NFAT5: variants seen among roughly 807,000 people sequenced by gnomAD.
The protein encoded by NFAT5 is nuclear factor of activated T cells 5.
Under a neutral mutation model 166.5 loss-of-function variants are expected in NFAT5, and 31 were observed. The ratio of observed to expected loss-of-function variants is 0.19; its 90% CI spans 0.14 to 0.25. The LOEUF is 0.25. Ranked by LOEUF, NFAT5 falls within the 10% of genes least tolerant of loss-of-function variation. NFAT5 has a pLI of 1.00. For synonymous variants in NFAT5, 612 were observed against 639.7 expected, an observed-to-expected ratio of 0.96 and a Z score of 0.65; for missense variants, 1,449 against 1,821.8, an observed-to-expected ratio of 0.80 and a Z score of 3.72.
chr16:69,627,522 A>T lies in NFAT5; in HGVS notation c.253+994A>T, dbSNP rs1000693256. 1.4e-4 allele frequency among the ~76,000 whole-genome samples: 22 copies of T among 152,130 alleles called. 2 individuals are homozygous for T. The highest frequency in any genetic ancestry group is 3.9e-4 in the East Asian group (2 of 5,184). On this transcript the variant is annotated intron_variant, in intron 3 of 14. Coordinates refer to ENST00000349945, the MANE Select transcript of NFAT5 (RefSeq NM_138713.4). Reference sequence around the variant, plus strand: ...TTCAAAATGAGAACAGTAAAGTGTAAGGTTGTGGTTTAAATGAGGATATTG... The same window carrying T: ...TTCAAAATGAGAACAGTAAAGTGTATGGTTGTGGTTTAAATGAGGATATTG...
At chr16:69,625,928 A>G (rs1467479057) in intron 2 of NFAT5, among the ~76,000 whole-genome samples, 7 of 151,346 alleles carry the variant, frequency 4.6e-5, no homozygotes, top group Non-Finnish European at 8.8e-5. Flanking sequence ...TTTCAGTTCA[A>G]TAAGATTATA....
chr16:69,628,907 T>C (rs2034585510), intron 3 of NFAT5, among the ~76,000 whole-genome samples: 1 of 152,122 alleles, frequency 6.6e-6, no homozygotes, highest in Non-Finnish European at 1.5e-5. Flanking sequence ...ACTGCGTCTC[T>C]ACTAAAAATA....
chr16:69,643,034 A>G (rs76349736), intron 3 of NFAT5, among the ~76,000 whole-genome samples: 2,827 of 151,910 alleles, frequency 0.019, 89 homozygotes, highest in African/African-American at 0.065. Flanking sequence ...CCTGGCCAAC[A>G]TGATGAAATC....
At position 69,659,728 on chromosome 16, in the gene NFAT5, G is replaced by A. The variant is rs1439351614; in HGVS notation, c.1198G>A (p.Val400Met). 1 of 1,604,128 alleles carries A rather than the reference G, an allele frequency of 6.2e-7. No homozygotes were observed. The highest frequency in any genetic ancestry group is 8.5e-7 in the Non-Finnish European group (1 of 1,174,520). Residue 400 changes from valine (V) to methionine (M), a missense_variant and splice_region_variant, in exon 7 of 15, where the codon GTG (valine) becomes ATG (methionine). Around this residue, in one of 7 missense-constraint regions of NFAT5, gnomAD observed 245 missense variants for 366.6 expected, o/e 0.67. Transcript: ENST00000349945. The stretch of plus-strand genomic sequence containing the variant: ...TTATATATTTTTTTTCTGTATTAGG[G>A]TGGACTGCGTAGGGATATTGAAATT... ...LDPSNNMTLA[V>M]DCVGILKLRN...
chr16:69,607,009 A>G lies in NFAT5; in HGVS notation c.128-19394A>G, dbSNP rs1217220940. ...CACCTCCTCATTGCTAACCCTTTTG[A>G]GGGCAGAAATTATAGTTTTTATTTA... On this transcript the variant is annotated intron_variant, in intron 2 of 14. Transcript: ENST00000349945. 2.6e-5 allele frequency among the ~76,000 whole-genome samples: 4 copies of G among 152,190 alleles called. 1 individual carries two copies. The highest frequency in any genetic ancestry group is 9.7e-5 in the African/African-American group (4 of 41,444).
At chr16:69,585,317 T>G (rs936043646) in intron 2 of NFAT5, among the ~76,000 whole-genome samples, 33 of 152,056 alleles carry the variant, frequency 2.2e-4, no homozygotes, top group Admixed American at 6.6e-5. Context: ...CCCAATTTTT[T>G]TTTTTTTAAT....
chr16:69,602,779 G>GT (rs1295362903), intron 2 of NFAT5, among the ~76,000 whole-genome samples: 2,247 of 136,274 alleles, frequency 0.016, 48 homozygotes, highest in African/African-American at 0.05. Context: ...TAATTTTTTT[G>GT]TTTTTTTTTT....
chr16:69,579,117 G>T (rs1294106941), intron 2 of NFAT5, among the ~76,000 whole-genome samples: 1 of 151,996 alleles, frequency 6.6e-6, no homozygotes, highest in Admixed American at 6.6e-5. Context: ...CTTGTGATCC[G>T]CCTGTCTCAG....
Position 69,647,149 on chromosome 16 carries a change from C to T in NFAT5, c.375C>T (p.Ser125=). The T allele has an allele frequency of 6.2e-7, 1 of 1,614,124 alleles. No homozygotes were observed. Among genetic ancestry groups the T allele is most frequent in the Non-Finnish European group, 8.5e-7 (1 of 1,179,984 alleles). Reference sequence around the variant, plus strand: ...ACAGCAAGGCTATGCAAGTGGAGAGCTGCTCCTCAGCCGTGGGGGTAAGTA... The same window carrying T: ...ACAGCAAGGCTATGCAAGTGGAGAGTTGCTCCTCAGCCGTGGGGGTAAGTA... ...VTDSKAMQVE[S]CSSAVGVSNR... The change falls in exon 4 of 15, where the codon AGC becomes AGT. Residue 125 remains serine (S), a synonymous_variant. Coordinates refer to ENST00000349945, the MANE Select transcript of NFAT5 (RefSeq NM_138713.4). This position sits in a 1 kb window ranked among gnomAD's most constrained non-coding sequence, Gnocchi z 4.8.
chr16:69,660,798 GTC>G (rs10575490), intron 7 of NFAT5, among the ~76,000 whole-genome samples: 77,115 of 148,776 alleles, frequency 0.52, 20,735 homozygotes, highest in East Asian at 0.81. Flanking sequence ...TCCTTTTCAC[GTC>G]TCTCTCTCTC....
chr16:69,700,915 GATGGTCCC>G lies in NFAT5; in HGVS notation c.*4566_*4573del. The G allele has an allele frequency of 6.6e-6, 1 of 151,752 alleles. No individual in the cohort carries two copies. Among genetic ancestry groups the G allele is most frequent in the Middle Eastern group, 3.4e-3 (1 of 290 alleles). 9.4% of individuals were successfully genotyped at this position (151,752 alleles called of 1,614,324 possible). A position where few individuals can be genotyped will look rare whatever the true frequency, so the allele number is the denominator to read the frequency against. The stretch of plus-strand genomic sequence containing the variant: ...AATAATATCTACAATATCATTTGTG[GATGGTCCC>G]AGGTCCCAGTGCTCTAGTTACTTTA... On this transcript the variant is annotated 3_prime_UTR_variant, in exon 15 of 15. Transcript: ENST00000349945.
At chr16:69,607,056 T>G (rs1400411352) in intron 2 of NFAT5, among the ~76,000 whole-genome samples, 1 of 152,198 alleles carries the variant, frequency 6.6e-6, no homozygotes. Flanking sequence ...CCAATTAATA[T>G]ATTAATAATA....
chr16:69,611,705 C>A (rs1290228407), intron 2 of NFAT5, among the ~76,000 whole-genome samples: 2 of 152,218 alleles, frequency 1.3e-5, no homozygotes. Flanking sequence ...TATAAGGGCA[C>A]TCATTCCATT....
chr16:69,609,232 G>A (rs1178268648), intron 2 of NFAT5, among the ~76,000 whole-genome samples: 1 of 152,142 alleles, frequency 6.6e-6, no homozygotes, highest in Non-Finnish European at 1.5e-5. Flanking sequence ...AATGCTTAAA[G>A]AGGTAGTAAA....
intron 7 of NFAT5, among the ~76,000 whole-genome samples, chr16:69,660,258 CA>C (rs998559306): frequency 1.3e-5 from 2 of 151,936 alleles, no homozygotes; most frequent in Non-Finnish European, 2.9e-5. Flanking sequence ...CCTGTCTCTA[CA>C]AAATAAAAAA....
chr16:69,657,008 T>C (rs76284737), intron 6 of NFAT5, among the ~76,000 whole-genome samples: 2,848 of 152,338 alleles, frequency 0.019, 91 homozygotes, highest in African/African-American at 0.065. Context: ...TAGATCTATG[T>C]TGTAATTATT....
intron 2 of NFAT5, 123 bp downstream of exon 2, chr16:69,568,671 T>C (rs1439071928): frequency 7.8e-6 from 5 of 643,870 alleles, no homozygotes; most frequent in African/African-American, 3.7e-5. Context: ...TCCTAAAGAG[T>C]CTGATCCTTC....
intron 10 of NFAT5, among the ~76,000 whole-genome samples, chr16:69,683,928 A>G (rs1393681032): frequency 6.6e-6 from 1 of 151,760 alleles, no homozygotes; most frequent in Middle Eastern, 3.4e-3. Context: ...GTGAAACCCC[A>G]TCTGTACTGA....
chr16:69,646,589 T>C (rs1567570574), intron 3 of NFAT5: 2 of 1,184,806 alleles, frequency 1.7e-6, no homozygotes, highest in Non-Finnish European at 2.2e-6. Context: ...GTTAGAAACT[T>C]ATTTTAATAT....
Sources: allele counts gnomAD v4.1 joint callset (sites outside exome capture counted in the v4.1 genomes callset), GRCh38; gene constraint gnomAD v4.1.1; regional missense constraint gnomAD v4.1.1; non-coding constraint Gnocchi (gnomAD v3.1); transcripts MANE v1.5; gene names NCBI Gene and HGNC (gene_info 2026-07-23, HGNC 2026-07-21).